The following GEMIN7 variants were observed in gnomAD, a reference collection of about 807,000 sequenced individuals.
GEMIN7 encodes the protein gem-associated protein 7.
In GEMIN7, 7 loss-of-function variants were observed where a neutral mutation model predicts 7.8. The observed-to-expected ratio is 0.90, with a 90% CI of 0.51 to 1.69. The LOEUF is 1.69. GEMIN7 is among the 40% of genes most tolerant of loss of function. The probability of loss-of-function intolerance (pLI) is 0.00; values close to 1 mark genes in which losing one functional copy is unlikely to be tolerated. For missense variants in GEMIN7, 159 were observed against 176.2 expected (o/e 0.90, Z 0.55); for synonymous variants, 68 against 72.4 (o/e 0.94, Z 0.31).
At chr19:45,078,000 G>A (rs1434555778), upstream of GEMIN7, among the ~76,000 whole-genome samples, 1 of 151,498 alleles carries the variant, frequency 6.6e-6, no homozygotes, top group Non-Finnish European at 1.5e-5. Flanking sequence ...AAAGTGCTGA[G>A]ATTACAGGTG....
chr19:45,084,678 A>C (rs1040588053), intron 2 of GEMIN7, among the ~76,000 whole-genome samples: 1 of 151,952 alleles, frequency 6.6e-6, no homozygotes, highest in African/African-American at 2.4e-5. Flanking sequence ...CCCGGGTTCA[A>C]GAGAGTCTCC....
At chr19:45,082,524 A>AC (rs1967535999) in intron 2 of GEMIN7, among the ~76,000 whole-genome samples, 2 of 152,222 alleles carry the variant, frequency 1.3e-5, no homozygotes. Context: ...CTGGGCTCTC[A>AC]GTCCTAGACG....
intron 2 of GEMIN7, among the ~76,000 whole-genome samples, chr19:45,088,891 T>A (rs776629734): frequency 2.0e-5 from 3 of 151,746 alleles, no homozygotes; most frequent in Non-Finnish European, 4.4e-5. Flanking sequence ...ATAAGTCTGT[T>A]AAGACTATGT....
At chr19:45,088,320 CTGTTTT>C (rs890817940) in intron 2 of GEMIN7, among the ~76,000 whole-genome samples, 1 of 151,744 alleles carries the variant, frequency 6.6e-6, no homozygotes, top group Non-Finnish European at 1.5e-5. Context: ...GTTAGTTGTG[CTGTTTT>C]TGTTTTTGTT....
At chr19:45,077,901 T>C (rs1053665428), upstream of GEMIN7, among the ~76,000 whole-genome samples, 1 of 151,722 alleles carries the variant, frequency 6.6e-6, no homozygotes, top group Non-Finnish European at 1.5e-5. Flanking sequence ...TCAAAAAAAA[T>C]TATTTTTAAA....
chr19:45,081,094 G>T (rs1279073632), intron 2 of GEMIN7, among the ~76,000 whole-genome samples: 1 of 152,206 alleles, frequency 6.6e-6, no homozygotes, highest in Non-Finnish European at 1.5e-5. Flanking sequence ...TTGAGTCCAG[G>T]AGTTCAAGAT....
At chr19:45,079,788 G>A (rs1469041664) in intron 1 of GEMIN7, 119 bp from the exon 2 acceptor site, 1 of 152,272 alleles carries the variant, frequency 6.6e-6, no homozygotes, top group Non-Finnish European at 1.5e-5. Flanking sequence ...TCTGTGCTTG[G>A]GGTTCTGACC....
intron 2 of GEMIN7, among the ~76,000 whole-genome samples, chr19:45,089,099 A>G (rs1967804298): frequency 6.6e-6 from 1 of 151,620 alleles, no homozygotes; most frequent in African/African-American, 2.4e-5. Context: ...ATGACACCAC[A>G]CCCGGCTAAT....
At chr19:45,088,040 A>AAC (rs1967761799) in intron 2 of GEMIN7, among the ~76,000 whole-genome samples, 1 of 150,046 alleles carries the variant, frequency 6.7e-6, no homozygotes, top group Non-Finnish European at 1.5e-5. Flanking sequence ...CTGCTTCCCA[A>AAC]GTTCAAGTGA....
intron 2 of GEMIN7, among the ~76,000 whole-genome samples, chr19:45,086,845 T>TTTG (rs1967705408): frequency 6.6e-6 from 1 of 151,590 alleles, no homozygotes; most frequent in Admixed American, 6.6e-5. Flanking sequence ...TCATTTTGTT[T>TTTG]TTTGTTTGTT....
At chr19:45,081,799 G>A (rs1967513847) in intron 2 of GEMIN7, among the ~76,000 whole-genome samples, 1 of 152,000 alleles carries the variant, frequency 6.6e-6, no homozygotes, top group Non-Finnish European at 1.5e-5. Context: ...GCTAACTTTT[G>A]TATTTTTAGT....
rs1361864178 is a variant in GEMIN7 at position 45,090,448 on chromosome 19, G to T, written c.334G>T (p.Gly112Cys). ...CGTGTCACAGCTGCAGACTCCCATA[G>T]GTGTGCAAGCAGAGGCGCTGCTCCG... ...FYVSQLQTPIGVQAEALLRCS... is the reference protein window; with the variant it reads ...FYVSQLQTPICVQAEALLRCS... The change falls in exon 3 of 3, where the codon GGT becomes TGT. Residue 112 changes from glycine to cysteine, a missense_variant. Transcript: ENST00000270257. 1.2e-6 allele frequency: 2 copies of T among 1,614,012 alleles called. No individual in the cohort carries two copies. Among genetic ancestry groups the T allele is most frequent in the Non-Finnish European group, 1.7e-6 (2 of 1,179,974 alleles).
At chr19:45,075,850 C>A, upstream of GEMIN7, 1 of 1,613,938 alleles carries the variant, frequency 6.2e-7, no homozygotes, top group Non-Finnish European at 8.5e-7. Flanking sequence ...TTTGTCGGTC[C>A]AGGGCTGGCG....
At chr19:45,080,542 AT>A (rs554632455) in intron 2 of GEMIN7, among the ~76,000 whole-genome samples, 9 of 151,444 alleles carry the variant, frequency 5.9e-5, no homozygotes, top group Non-Finnish European at 8.8e-5. Context: ...CATCCAGCTA[AT>A]TTTTTTTGTA....
chr19:45,075,955 G>A, upstream of GEMIN7: 2 of 1,589,260 alleles, frequency 1.3e-6, no homozygotes, highest in South Asian at 1.1e-5. Context: ...TCAGAAGGGG[G>A]CCTGAGGGGC....
chr19:45,089,657 C>T (rs1463348326), intron 2 of GEMIN7, among the ~76,000 whole-genome samples: 1 of 152,096 alleles, frequency 6.6e-6, no homozygotes, highest in Non-Finnish European at 1.5e-5. Context: ...CTCCCTCAGC[C>T]TCCTGAGTAG....
In GEMIN7 at chr19:45,090,969, C is replaced by T. The variant is rs998932613; in HGVS notation, c.*459C>T. The T allele has an allele frequency of 5.7e-6, 1 of 176,588 alleles. No homozygotes were observed. The highest frequency in any genetic ancestry group is 1.4e-5 in the Non-Finnish European group (1 of 72,634). The allele number at this position is 176,588 out of a possible 1,614,324, so 10.9% of individuals were successfully genotyped here. ...ACTATACCGACGGGGATGGAGTCAT[C>T]TTTAGGGGCTGGTAGGGTGGTTATC... On this transcript the variant is annotated 3_prime_UTR_variant, in exon 3 of 3. Coordinates refer to ENST00000270257, the MANE Select transcript of GEMIN7 (RefSeq NM_024707.3).
chr19:45,085,630 A>T (rs576121369), intron 2 of GEMIN7: 2 of 152,256 alleles, frequency 1.3e-5, no homozygotes, highest in Admixed American at 1.3e-4. Context: ...AGGTGCAGAG[A>T]CAGGAAGAGC....
chr19:45,078,989 A>G (rs1967412338), upstream of GEMIN7, among the ~76,000 whole-genome samples: 1 of 152,214 alleles, frequency 6.6e-6, no homozygotes, highest in Non-Finnish European at 1.5e-5. Context: ...CCCTTAACCC[A>G]GCAGGGAGGA....
Sources: gnomAD v4.1 joint callset for allele counts (sites outside exome capture counted in the v4.1 genomes callset) on GRCh38, gnomAD v4.1.1 for gene constraint, MANE v1.5 for transcripts, NCBI Gene and HGNC (gene_info 2026-07-23, HGNC 2026-07-21) for gene names.